The following PRH1 variants were observed in gnomAD, a reference collection of about 807,000 sequenced individuals.
PRH1 encodes salivary acidic proline-rich phosphoprotein 1/2.
In PRH1, 7 loss-of-function variants were observed where a neutral mutation model predicts 7.9. The observed-to-expected ratio is 0.89, with a 90% CI of 0.50 to 1.67. The LOEUF is 1.67. Among genes scored for constraint, PRH1 ranks in the 40% most tolerant of loss-of-function variants. The pLI, the probability that PRH1 is intolerant of heterozygous loss-of-function variation, is 0.00. For missense variants in PRH1, 109 were observed against 223.6 expected (o/e 0.49, Z 3.27); for synonymous variants, 45 against 80.8 (o/e 0.56, Z 2.38).
chr12:11,151,186 G>A (rs1268860373), intron 1 of PRH1, among the ~76,000 whole-genome samples: 1 of 151,982 alleles, frequency 6.6e-6, no homozygotes, highest in East Asian at 1.9e-4. Context: ...GCTGAAGTGT[G>A]AGAACCTGCA....
intron 1 of PRH1, among the ~76,000 whole-genome samples, chr12:11,145,505 A>C (rs1379274893): frequency 6.6e-6 from 1 of 152,168 alleles, no homozygotes; most frequent in Non-Finnish European, 1.5e-5. Flanking sequence ...CATGTTCTAA[A>C]AAATGAAATT....
chr12:11,072,046 T>C (rs1944095419), intron 1 of PRH1, among the ~76,000 whole-genome samples: 1 of 152,128 alleles, frequency 6.6e-6, no homozygotes, highest in Admixed American at 6.5e-5. Flanking sequence ...AGCAACTGAC[T>C]CGCATATTGT....
chr12:11,088,133 G>A lies in PRH1; in HGVS notation n.124-40945C>T, dbSNP rs930775533. Among the ~76,000 whole-genome samples, 12 of 129,758 alleles carry A rather than the reference G, an allele frequency of 9.2e-5. 2 individuals carry two copies. Among genetic ancestry groups the A allele is most frequent in the African/African-American group, 3.0e-4 (11 of 36,984 alleles). The allele number at this position is 129,758 out of a possible 152,430, so 85.1% of individuals were successfully genotyped here. On this transcript the variant is annotated intron_variant and non_coding_transcript_variant, in intron 1 of 4. Transcript: ENST00000541977. ...ACACGGGAAGATCATTTGAGCCCAG[G>A]AGTTTGAGACCAGCCTGGGTAACAC...
chr12:11,150,077 CA>C (rs1947016897), intron 1 of PRH1, among the ~76,000 whole-genome samples: 2 of 149,722 alleles, frequency 1.3e-5, no homozygotes, highest in African/African-American at 4.9e-5. Context: ...AAATGCTCAT[CA>C]TCACTGGCCA....
chr12:10,992,872 G>A (rs1383166480), intron 1 of PRH1, among the ~76,000 whole-genome samples: 1 of 152,196 alleles, frequency 6.6e-6, no homozygotes, highest in East Asian at 1.9e-4. Context: ...TTCCAGACCT[G>A]TATATTAAGG....
chr12:11,061,768 T>C, intron 1 of PRH1: 1 of 1,614,098 alleles, frequency 6.2e-7, no homozygotes, highest in Non-Finnish European at 8.5e-7. Flanking sequence ...TACCGTTGTA[T>C]TTGAAAGGTA....
At chr12:11,036,394 G>A (rs1157229933) in intron 1 of PRH1, among the ~76,000 whole-genome samples, 2 of 152,068 alleles carry the variant, frequency 1.3e-5, no homozygotes, top group Admixed American at 6.5e-5. Flanking sequence ...ATATAGTTTT[G>A]GTTATAGAAC....
intron 1 of PRH1, among the ~76,000 whole-genome samples, chr12:11,138,866 C>T (rs1485546810): frequency 2.0e-5 from 3 of 152,100 alleles, no homozygotes; most frequent in Middle Eastern, 3.4e-3. Context: ...TGGCAAAATC[C>T]CATCTCTACC....
At chr12:11,092,376 C>A in intron 1 of PRH1, 2 of 472,996 alleles carry the variant, frequency 4.2e-6, no homozygotes, top group South Asian at 4.3e-5. Flanking sequence ...GGTGTGGACC[C>A]AAAGAGTGAG....
intron 2 of PRH1, among the ~76,000 whole-genome samples, chr12:10,904,196 C>T (rs1949769190): frequency 6.6e-6 from 1 of 150,860 alleles, no homozygotes. Flanking sequence ...CATATAAAAC[C>T]AAAAAAAGAG....
At chr12:11,072,270 A>G (rs1235813720) in intron 1 of PRH1, among the ~76,000 whole-genome samples, 1 of 152,112 alleles carries the variant, frequency 6.6e-6, no homozygotes, top group Non-Finnish European at 1.5e-5. Flanking sequence ...TGCAAGCAAG[A>G]GCCATCATAC....
At chr12:10,949,204 C>T (rs189458084) in intron 2 of PRH1, among the ~76,000 whole-genome samples, 1 of 152,260 alleles carries the variant, frequency 6.6e-6, no homozygotes, top group Non-Finnish European at 1.5e-5. Context: ...GGGGTTCCAT[C>T]CCAGAGAGAT....
At chr12:11,127,197 AT>A (rs1220336664) in intron 1 of PRH1, among the ~76,000 whole-genome samples, 2 of 152,008 alleles carry the variant, frequency 1.3e-5, no homozygotes, top group African/African-American at 4.8e-5. Context: ...CAAATACTAT[AT>A]GCTTGTTATA....
In PRH1 at chr12:11,033,519, A is replaced by G. The variant is rs149132645; in HGVS notation, c.-126+13501T>C. Among the ~76,000 whole-genome samples the G allele has an allele frequency of 6.2e-3, 946 of 152,318 alleles. 10 individuals carry two copies. Among genetic ancestry groups the G allele is most frequent in the African/African-American group, 0.021 (887 of 41,568 alleles). On this transcript the variant is annotated intron_variant, in intron 1 of 3. Coordinates refer to the PRH1 transcript ENST00000539853. ...CTCTTAAACCAAGAGTGTGGGAAAT[A>G]TGTACAACCTTGTTGTGTCAGGAAT... is the stretch of plus-strand genomic sequence containing the variant.
chr12:11,011,594 ACT>A (rs1941070972), intron 1 of PRH1, among the ~76,000 whole-genome samples: 1 of 152,126 alleles, frequency 6.6e-6, no homozygotes, highest in Non-Finnish European at 1.5e-5. Context: ...TTAAAACCCA[ACT>A]CATAATTCCT....
chr12:11,084,464 A>AGTG, intron 1 of PRH1, among the ~76,000 whole-genome samples: 1 of 144,552 alleles, frequency 6.9e-6, no homozygotes, highest in Admixed American at 7.0e-5. Flanking sequence ...TGATAAGGAT[A>AGTG]CAAATACTGG....
At chr12:10,909,045 A>G (rs186943149) in intron 2 of PRH1, 11 of 1,613,704 alleles carry the variant, frequency 6.8e-6, no homozygotes, top group Admixed American at 6.7e-5. Context: ...GCTAAAAATC[A>G]TAATTCTTAA....
At chr12:11,077,699 G>C (rs375030079) in intron 1 of PRH1, 1 of 1,195,992 alleles carries the variant, frequency 8.4e-7, no homozygotes, top group South Asian at 1.2e-5. Flanking sequence ...AGGTTTGCTA[G>C]TGTGCTTACA....
chr12:11,085,266 G>A (rs1180862333), intron 1 of PRH1, among the ~76,000 whole-genome samples: 3 of 150,934 alleles, frequency 2.0e-5, no homozygotes, highest in African/African-American at 7.3e-5. Context: ...TTTGTTAACA[G>A]CATACTGTAA....
Sources: gnomAD v4.1 joint callset for allele counts (sites outside exome capture counted in the v4.1 genomes callset) on GRCh38, gnomAD v4.1.1 for gene constraint, MANE v1.5 for transcripts, NCBI Gene and HGNC (gene_info 2026-07-23, HGNC 2026-07-21) for gene names.